The following ITGBL1 variants were observed in gnomAD, a reference collection of about 807,000 sequenced individuals.
ITGBL1 encodes the protein integrin beta-like protein 1.
In ITGBL1, 51 loss-of-function variants were observed where a neutral mutation model predicts 68.5. That is an observed-to-expected ratio of 0.74 (90% CI 0.59 to 0.94). The LOEUF (loss-of-function observed/expected upper bound fraction) is 0.94. Among genes scored for constraint, ITGBL1 ranks in the 40% least tolerant of loss-of-function variants. The probability of loss-of-function intolerance (pLI) is 0.00; values close to 1 mark genes in which losing one functional copy is unlikely to be tolerated. For synonymous variants in ITGBL1, 209 were observed against 227.3 expected (o/e 0.92, Z 0.72); for missense variants, 649 against 647.4 (o/e 1.00, Z -0.03).
intron 2 of ITGBL1, among the ~76,000 whole-genome samples, chr13:101,565,075 T>G (rs2050162830): frequency 6.6e-6 from 1 of 152,000 alleles, no homozygotes; most frequent in Non-Finnish European, 1.5e-5. Context: ...GTTCCAGTCT[T>G]CATCACTGTG....
At chr13:101,661,349 A>G (rs901148043) in intron 7 of ITGBL1, among the ~76,000 whole-genome samples, 2 of 152,124 alleles carry the variant, frequency 1.3e-5, no homozygotes, top group East Asian at 1.9e-4. Flanking sequence ...TGAGATGAAT[A>G]TTACTGATCT....
chr13:101,669,313 T>C (rs1042249937), intron 7 of ITGBL1, among the ~76,000 whole-genome samples: 1 of 151,966 alleles, frequency 6.6e-6, no homozygotes, highest in Non-Finnish European at 1.5e-5. Flanking sequence ...AAGTGAATAA[T>C]ATGAAAAATA....
chr13:101,520,279 A>T (rs1365644706), intron 2 of ITGBL1, among the ~76,000 whole-genome samples: 1 of 152,230 alleles, frequency 6.6e-6, no homozygotes, highest in Non-Finnish European at 1.5e-5. Flanking sequence ...TGTTAGAATC[A>T]GTGGTTGAGT....
chr13:101,507,706 A>G (rs2049048672), intron 2 of ITGBL1, among the ~76,000 whole-genome samples: 1 of 152,172 alleles, frequency 6.6e-6, no homozygotes, highest in African/African-American at 2.4e-5. Flanking sequence ...AACTGAAGGA[A>G]GAGATTTTAA....
intron 2 of ITGBL1, among the ~76,000 whole-genome samples, chr13:101,473,873 C>A (rs1217265253): frequency 6.6e-6 from 1 of 152,150 alleles, no homozygotes; most frequent in Non-Finnish European, 1.5e-5. Flanking sequence ...AAGAGAAGGA[C>A]CCAGTGCTGG....
At chr13:101,662,689 A>T (rs533419646) in intron 7 of ITGBL1, among the ~76,000 whole-genome samples, 3 of 152,070 alleles carry the variant, frequency 2.0e-5, no homozygotes, top group African/African-American at 2.4e-5. Flanking sequence ...ATCTGGTAGA[A>T]TGTGAGGAAA....
intron 6 of ITGBL1, among the ~76,000 whole-genome samples, chr13:101,593,993 A>G (rs1220682240): frequency 6.6e-6 from 1 of 152,176 alleles, no homozygotes; most frequent in Non-Finnish European, 1.5e-5. Flanking sequence ...CAACCTATAT[A>G]TGTATCAAAA....
At chr13:101,706,956 T>C in intron 9 of ITGBL1, 54 bp downstream of exon 9, 1 of 1,558,478 alleles carries the variant, frequency 6.4e-7, no homozygotes, top group South Asian at 1.2e-5. Flanking sequence ...ACATGATTTG[T>C]AGAACAGCAT....
chr13:101,516,929 C>T (rs1031882186), intron 2 of ITGBL1, among the ~76,000 whole-genome samples: 2 of 152,128 alleles, frequency 1.3e-5, no homozygotes, highest in African/African-American at 4.8e-5. Context: ...TCCTATCTAG[C>T]TTGTGTGAAA....
At chr13:101,587,992 G>A (rs997924923) in intron 6 of ITGBL1, among the ~76,000 whole-genome samples, 4 of 152,186 alleles carry the variant, frequency 2.6e-5, no homozygotes, top group Admixed American at 2.6e-4. Flanking sequence ...ATCCTCTAAA[G>A]CAGAGAAGTG....
chr13:101,574,208 A>ACTG (rs752664509), intron 3 of ITGBL1, among the ~76,000 whole-genome samples: 1 of 152,072 alleles, frequency 6.6e-6, no homozygotes, highest in Non-Finnish European at 1.5e-5. Context: ...ACTTCCATGA[A>ACTG]CTGCACCTCA....
intron 6 of ITGBL1, among the ~76,000 whole-genome samples, chr13:101,591,709 T>C (rs2050657686): frequency 6.6e-6 from 1 of 152,212 alleles, no homozygotes; most frequent in African/African-American, 2.4e-5. Context: ...TACATTAATA[T>C]CAGATGCTAA....
At chr13:101,549,238 A>C (rs1484938901) in intron 2 of ITGBL1, among the ~76,000 whole-genome samples, 1 of 151,988 alleles carries the variant, frequency 6.6e-6, no homozygotes, top group African/African-American at 2.4e-5. Context: ...TTTTATGGAC[A>C]TACGATAACC....
At position 101,572,371 on chromosome 13, in the gene ITGBL1, G is replaced by A. The variant is rs576778094; in HGVS notation, c.464-3053G>A. 2.0e-5 allele frequency among the ~76,000 whole-genome samples: 3 copies of A among 152,176 alleles called. No homozygotes were observed. In the East Asian group the frequency reaches 5.8e-4, roughly 30 times the overall value. On this transcript the variant is annotated intron_variant, in intron 3 of 10. Transcript: ENST00000376180. The stretch of plus-strand genomic sequence containing the variant: ...AAAGTGTTCCAGAGGCTAACTTTGT[G>A]GGAAAAGTAGAAGGGAGGTCCAGTG...
intron 7 of ITGBL1, among the ~76,000 whole-genome samples, chr13:101,684,651 A>C (rs1387171576): frequency 6.6e-6 from 1 of 151,834 alleles, no homozygotes; most frequent in Non-Finnish European, 1.5e-5. Context: ...CGGTTAAGTA[A>C]TTTTTGTTTC....
intron 2 of ITGBL1, among the ~76,000 whole-genome samples, chr13:101,541,632 C>A (rs373956792): frequency 6.6e-6 from 1 of 152,128 alleles, no homozygotes; most frequent in Non-Finnish European, 1.5e-5. Context: ...AGGAATGGTA[C>A]CAGCTCCTCC....
intron 2 of ITGBL1, among the ~76,000 whole-genome samples, chr13:101,564,672 C>A (rs2050154372): frequency 6.8e-6 from 1 of 147,408 alleles, no homozygotes; most frequent in Non-Finnish European, 1.5e-5. Flanking sequence ...AACTTGTATC[C>A]AGGATAAACA....
rs915832713 is a variant in ITGBL1 at position 101,678,340 on chromosome 13, A to T, written c.1016-14245A>T. Among the ~76,000 whole-genome samples the T allele has an allele frequency of 5.9e-5, 9 of 152,326 alleles. No individual in the cohort carries two copies. In the East Asian group the frequency reaches 1.2e-3, roughly 20 times the overall value. On this transcript the variant is annotated intron_variant, in intron 7 of 10. Transcript: ENST00000376180. ...TTATGGTGAATTTTTCTTAATTTTA[A>T]AAGATAAGCCTATTTGTGAAGGAAA...
At chr13:101,662,283 C>T (rs573531641) in intron 7 of ITGBL1, among the ~76,000 whole-genome samples, 16 of 152,206 alleles carry the variant, frequency 1.1e-4, no homozygotes, top group Admixed American at 3.3e-4. Flanking sequence ...AGCATTTACA[C>T]GTGATTTTAA....
Sources: gnomAD v4.1 joint callset for allele counts (sites outside exome capture counted in the v4.1 genomes callset) on GRCh38, gnomAD v4.1.1 for gene constraint, MANE v1.5 for transcripts, NCBI Gene and HGNC (gene_info 2026-07-23, HGNC 2026-07-21) for gene names.